The following KLF12 variants were observed in gnomAD, a reference collection of about 807,000 sequenced individuals.
KLF12 encodes the protein Krueppel-like factor 12.
Under a neutral mutation model 37.8 loss-of-function variants are expected in KLF12, and 9 were observed. The observed-to-expected ratio is 0.24, with a 90% confidence interval of 0.14 to 0.42. The LOEUF (loss-of-function observed/expected upper bound fraction) is 0.42. KLF12 is among the 10% of genes least tolerant of loss of function. The pLI, the probability that KLF12 is intolerant of heterozygous loss-of-function variation, is 1.00. For synonymous variants in KLF12, 208 were observed against 202.1 expected (o/e 1.03, Z -0.25); for missense variants, 411 against 516.0 (o/e 0.80, Z 1.97).
the KLF12 span, among the ~76,000 whole-genome samples, chr13:74,233,361 T>C: frequency 2.0e-5 from 3 of 152,254 alleles, no homozygotes; most frequent in South Asian, 6.2e-4. Flanking sequence ...CTGAAATGCA[T>C]ACCTGTGGTG....
chr13:73,951,795 T>A (rs1890657480), intron 2 of KLF12, among the ~76,000 whole-genome samples: 1 of 152,226 alleles, frequency 6.6e-6, no homozygotes, highest in African/African-American at 2.4e-5. Context: ...CAGGACTATG[T>A]GCATTCTATT....
At chr13:74,122,960 T>TAAAA (rs58691841) in intron 1 of KLF12, among the ~76,000 whole-genome samples, 9 of 113,852 alleles carry the variant, frequency 7.9e-5, no homozygotes, top group Admixed American at 1.8e-4. Flanking sequence ...AACAGGTCAC[T>TAAAA]AAAAAAAAAA....
chr13:73,817,777 G>T (rs571521266), intron 4 of KLF12, among the ~76,000 whole-genome samples: 41 of 152,304 alleles, frequency 2.7e-4, no homozygotes, highest in Non-Finnish European at 5.1e-4. Flanking sequence ...TTTTCTGCAT[G>T]TCACCTCCTT....
the KLF12 span, among the ~76,000 whole-genome samples, chr13:74,143,921 G>A: frequency 1.3e-5 from 2 of 152,186 alleles, no homozygotes; most frequent in Non-Finnish European, 2.9e-5. Context: ...GTAGGTGCAT[G>A]TTTTACATAC....
the KLF12 span, among the ~76,000 whole-genome samples, chr13:74,245,362 AAAAGTCTGAAAGTGGAAATT>A: frequency 2.6e-5 from 4 of 152,050 alleles, no homozygotes; most frequent in African/African-American, 9.7e-5. Flanking sequence ...TTTTGGTATT[AAAAGTCTGAAAGTGGAAATT>A]AAAGCTATGG....
At chr13:74,223,560 G>A in the KLF12 span, among the ~76,000 whole-genome samples, 3 of 152,108 alleles carry the variant, frequency 2.0e-5, no homozygotes, top group Non-Finnish European at 4.4e-5. Context: ...ACTGTCTCTG[G>A]GACCCAGGGG....
chr13:74,198,017 A>G, the KLF12 span, among the ~76,000 whole-genome samples: 1 of 152,146 alleles, frequency 6.6e-6, no homozygotes, highest in African/African-American at 2.4e-5. Flanking sequence ...ACAAAAGGAG[A>G]GAAGAGAAAA....
rs371560441 is a variant in KLF12, at chr13:73,906,856, C to T, written c.123+37125G>A. ...GCTACTGACTTGAAAACTGTTTAGC[C>T]CATCTCAAAAGGTCCTACTTTAATC... On this transcript the variant is annotated intron_variant, in intron 3 of 7. Transcript: ENST00000377669. 1.0e-3 allele frequency among the ~76,000 whole-genome samples: 154 copies of T among 152,236 alleles called. 2 individuals carry two copies. The highest frequency in any genetic ancestry group is 4.3e-4 in the Non-Finnish European group (29 of 68,020).
chr13:74,066,040 C>G (rs1873896720), intron 1 of KLF12, among the ~76,000 whole-genome samples: 1 of 152,048 alleles, frequency 6.6e-6, no homozygotes, highest in Non-Finnish European at 1.5e-5. Flanking sequence ...GCTAGAGGTC[C>G]TGCAGGAGCA....
the KLF12 span, among the ~76,000 whole-genome samples, chr13:74,238,618 T>G: frequency 2.8e-5 from 4 of 143,106 alleles, no homozygotes; most frequent in South Asian, 4.3e-4. Context: ...CAATTTCAGA[T>G]CCTGTTATTG....
intron 3 of KLF12, among the ~76,000 whole-genome samples, chr13:73,856,860 G>A (rs1027421283): frequency 4.6e-5 from 7 of 151,972 alleles, no homozygotes; most frequent in African/African-American, 1.7e-4. Flanking sequence ...GGTGGCGTTT[G>A]CCTGTAGTCC....
chr13:74,115,426 C>CATTTATTTTTAAATTTATAT (rs1877236636), intron 1 of KLF12, among the ~76,000 whole-genome samples: 1 of 152,098 alleles, frequency 6.6e-6, no homozygotes, highest in Non-Finnish European at 1.5e-5. Flanking sequence ...TCTTTTCCAC[C>CATTTATTTTTAAATTTATAT]GGGCATGGTG....
chr13:73,765,137 TAA>T (rs1879827770), intron 5 of KLF12, 137 bp from the exon 6 acceptor site: 2 of 579,956 alleles, frequency 3.4e-6, no homozygotes, highest in African/African-American at 3.8e-5. Flanking sequence ...CCCCTCTTAG[TAA>T]ATGATGCAAT....
At chr13:74,102,861 T>C (rs961956137) in intron 1 of KLF12, among the ~76,000 whole-genome samples, 4 of 152,210 alleles carry the variant, frequency 2.6e-5, no homozygotes, top group African/African-American at 9.6e-5. Flanking sequence ...GATATAATTA[T>C]TGCATGAGTT....
chr13:73,871,877 G>A (rs1594196019), intron 3 of KLF12, among the ~76,000 whole-genome samples: 1 of 152,014 alleles, frequency 6.6e-6, no homozygotes, highest in African/African-American at 2.4e-5. Context: ...ATAAGACGGC[G>A]AGCTCCTTGT....
intron 1 of KLF12, among the ~76,000 whole-genome samples, chr13:74,126,776 G>A (rs1298195512): frequency 1.3e-5 from 2 of 152,170 alleles, no homozygotes; most frequent in Non-Finnish European, 2.9e-5. Context: ...ATGTTCGTAA[G>A]TCAAAATCCA....
At chr13:74,078,898 G>C in intron 1 of KLF12, among the ~76,000 whole-genome samples, 1 of 152,142 alleles carries the variant, frequency 6.6e-6, no homozygotes, top group South Asian at 2.1e-4. Flanking sequence ...AAAATGTACC[G>C]TATTATTTTA....
the KLF12 span, among the ~76,000 whole-genome samples, chr13:74,143,432 T>G: frequency 2.0e-5 from 3 of 150,958 alleles, no homozygotes; most frequent in Non-Finnish European, 4.4e-5. Flanking sequence ...TAAAATCTCC[T>G]TAAATGACAC....
At chr13:74,023,444 G>A (rs1230014949) in intron 1 of KLF12, among the ~76,000 whole-genome samples, 2 of 152,186 alleles carry the variant, frequency 1.3e-5, no homozygotes, top group African/African-American at 4.8e-5. Context: ...CTCTCTCACA[G>A]TTATGGAGGC....
Sources: allele counts gnomAD v4.1 joint callset (sites outside exome capture counted in the v4.1 genomes callset), GRCh38; gene constraint gnomAD v4.1.1; transcripts MANE v1.5; gene names NCBI Gene and HGNC (gene_info 2026-07-23, HGNC 2026-07-21).